LRP1B: variants seen among roughly 807,000 people sequenced by gnomAD.
LRP1B encodes low-density lipoprotein receptor-related protein 1B.
In LRP1B, 217 loss-of-function variants were observed where a neutral mutation model predicts 556.6. The ratio of observed to expected loss-of-function variants is 0.39; its 90% CI spans 0.35 to 0.44. LRP1B has a LOEUF of 0.44. Among genes scored for constraint, LRP1B ranks in the 20% least tolerant of loss-of-function variants. The pLI is 1.00. For synonymous variants in LRP1B, 2,047 were observed against 1,865.8 expected (o/e 1.10, Z -2.50); for missense variants, 5,053 against 5,620.8 (o/e 0.90, Z 3.23).
chr2:140,589,471 A>G (rs1330290729), intron 43 of LRP1B, among the ~76,000 whole-genome samples: 1 of 152,228 alleles, frequency 6.6e-6, no homozygotes, highest in Non-Finnish European at 1.5e-5. Context: ...GTGAAGAATT[A>G]TGTTCATTCT....
At position 140,673,322 on chromosome 2, in the gene LRP1B, TTTAA is replaced by T. The variant is rs547920095; in HGVS notation, c.6799+26924_6799+26927del. ...TTTGATTACATTATATTATTTCAAA[TTTAA>T]TTATATTTATTTCATAGCATTCTTA... On this transcript the variant is annotated intron_variant, in intron 41 of 90. Transcript: ENST00000389484. Among the ~76,000 whole-genome samples the T allele has an allele frequency of 3.2e-3, 489 of 152,296 alleles. 2 individuals are homozygous for T. Among genetic ancestry groups the T allele is most frequent in the African/African-American group, 0.011 (475 of 41,560 alleles).
chr2:141,927,779 G>T (rs1157703397), intron 1 of LRP1B, among the ~76,000 whole-genome samples: 2 of 151,030 alleles, frequency 1.3e-5, no homozygotes, highest in Non-Finnish European at 2.9e-5. Flanking sequence ...TCCTTCTTGA[G>T]TTTTACTTGC....
chr2:141,652,114 A>G (rs1689814323), intron 2 of LRP1B, among the ~76,000 whole-genome samples: 1 of 152,212 alleles, frequency 6.6e-6, no homozygotes. Flanking sequence ...CCAAGGAGAC[A>G]TCTCTCCTCC....
At chr2:140,952,740 G>A (rs1695756206) in intron 18 of LRP1B, among the ~76,000 whole-genome samples, 1 of 151,968 alleles carries the variant, frequency 6.6e-6, no homozygotes, top group South Asian at 2.1e-4. Flanking sequence ...TGATAATCAA[G>A]GTGAATAGCC....
chr2:140,498,839 A>C (rs1006603032), intron 55 of LRP1B, among the ~76,000 whole-genome samples: 1 of 151,838 alleles, frequency 6.6e-6, no homozygotes, highest in Non-Finnish European at 1.5e-5. Context: ...CAATATGTAA[A>C]ATATTTGGTC....
chr2:140,720,595 G>A (rs1240511081), intron 35 of LRP1B, among the ~76,000 whole-genome samples: 2 of 151,960 alleles, frequency 1.3e-5, no homozygotes, highest in African/African-American at 4.8e-5. Flanking sequence ...TTTTCCCTGG[G>A]TATTTAGAGA....
intron 2 of LRP1B, among the ~76,000 whole-genome samples, chr2:141,806,770 T>A (rs55857759): frequency 0.036 from 5,471 of 152,166 alleles, 166 homozygotes; most frequent in Non-Finnish European, 0.054. Context: ...ACATATGTTT[T>A]CCTTCTAAAG....
chr2:140,353,224 T>C (rs1346196932), intron 75 of LRP1B, 152 bp from the exon 76 acceptor site: 12 of 698,358 alleles, frequency 1.7e-5, no homozygotes, highest in Non-Finnish European at 2.8e-5. Context: ...TGTCATATTT[T>C]TGAAGGTATA....
intron 2 of LRP1B, among the ~76,000 whole-genome samples, chr2:141,711,547 C>T (rs1414028505): frequency 6.6e-6 from 1 of 152,160 alleles, no homozygotes; most frequent in Non-Finnish European, 1.5e-5. Context: ...TGACAGTTCC[C>T]TAGTTGCTGG....
intron 86 of LRP1B, among the ~76,000 whole-genome samples, chr2:140,269,034 G>A (rs1308211491): frequency 6.6e-6 from 1 of 151,872 alleles, no homozygotes; most frequent in African/African-American, 2.4e-5. Context: ...ATTTTTATTA[G>A]ACAGTTCCAC....
At chr2:140,702,633 TAAC>T (rs1686691202) in intron 37 of LRP1B, 80 bp from the exon 38 acceptor site, 1 of 1,265,730 alleles carries the variant, frequency 7.9e-7, no homozygotes, top group Non-Finnish European at 1.1e-6. Context: ...ACATTACTAA[TAAC>T]AGCAGTAGCA....
chr2:141,426,863 A>G (rs1680384006), intron 3 of LRP1B, among the ~76,000 whole-genome samples: 1 of 152,196 alleles, frequency 6.6e-6, no homozygotes, highest in Non-Finnish European at 1.5e-5. Context: ...TATGAAAACA[A>G]TCTTCATTAG....
chr2:141,418,842 C>G (rs2104959156), intron 3 of LRP1B, among the ~76,000 whole-genome samples: 1 of 152,114 alleles, frequency 6.6e-6, no homozygotes, highest in East Asian at 1.9e-4. Context: ...GACATTTTCA[C>G]AGTATCAAGT....
intron 2 of LRP1B, among the ~76,000 whole-genome samples, chr2:141,703,897 G>A (rs923631195): frequency 2.2e-4 from 34 of 151,898 alleles, no homozygotes; most frequent in African/African-American, 7.7e-4. Flanking sequence ...ATACTGTGAT[G>A]TAAGAAAAAT....
At chr2:141,885,073 T>C (rs1392638281) in intron 1 of LRP1B, among the ~76,000 whole-genome samples, 1 of 152,226 alleles carries the variant, frequency 6.6e-6, no homozygotes, top group African/African-American at 2.4e-5. Flanking sequence ...TATGAATTGA[T>C]ATTAAGGTTT....
At chr2:141,365,161 T>C (rs1403566655) in intron 3 of LRP1B, among the ~76,000 whole-genome samples, 1 of 152,210 alleles carries the variant, frequency 6.6e-6, no homozygotes, top group Non-Finnish European at 1.5e-5. Context: ...CTTACAAAGT[T>C]GCTTCTCTGT....
intron 1 of LRP1B, among the ~76,000 whole-genome samples, chr2:141,986,380 TAC>T (rs1399485522): frequency 6.6e-6 from 1 of 151,960 alleles, no homozygotes; most frequent in Non-Finnish European, 1.5e-5. Flanking sequence ...CCAATGTAAA[TAC>T]AGTTTCATCT....
chr2:140,880,565 G>T (rs1342217606), intron 25 of LRP1B, among the ~76,000 whole-genome samples: 1 of 152,044 alleles, frequency 6.6e-6, no homozygotes, highest in African/African-American at 2.4e-5. Flanking sequence ...TTTATGCTGG[G>T]GAAGCAAAGT....
chr2:141,182,460 C>A (rs1392840617), intron 7 of LRP1B, among the ~76,000 whole-genome samples: 1 of 151,964 alleles, frequency 6.6e-6, no homozygotes, highest in Non-Finnish European at 1.5e-5. Context: ...CTGAGTACTG[C>A]TTCTGTGTGA....
Sources: allele counts gnomAD v4.1 joint callset (sites outside exome capture counted in the v4.1 genomes callset), GRCh38; gene constraint gnomAD v4.1.1; transcripts MANE v1.5; gene names NCBI Gene and HGNC (gene_info 2026-07-23, HGNC 2026-07-21).